ALLC: variants seen among roughly 807,000 people sequenced by gnomAD.
ALLC encodes the protein allantoicase, also known as probable inactive allantoicase.
ALLC carries 40 observed loss-of-function variants against 45.0 expected under a neutral mutation model. That is an observed-to-expected ratio of 0.89 (90% CI 0.69 to 1.16). ALLC has a LOEUF of 1.16. Ranked by LOEUF, ALLC falls within the 50% of genes most tolerant of loss-of-function variation. The probability of loss-of-function intolerance (pLI) is 0.00; values close to 1 mark genes in which losing one functional copy is unlikely to be tolerated. For synonymous variants in ALLC, 176 were observed against 178.1 expected (o/e 0.99, Z 0.09); for missense variants, 488 against 493.1 (o/e 0.99, Z 0.10).
In ALLC at chr2:3,692,853, T is replaced by G. The variant is rs187351279; in HGVS notation, c.512-2864T>G. Among the ~76,000 whole-genome samples the G allele has an allele frequency of 4.2e-4, 64 of 152,126 alleles. No individual in the cohort carries two copies. In the East Asian group the frequency reaches 9.9e-3, roughly 23 times the overall value. On this transcript the variant is annotated intron_variant, in intron 7 of 11. Coordinates refer to ENST00000252505, the MANE Select transcript of ALLC (RefSeq NM_018436.4). ...AGAATGGGTCACTGTGGCCCCAATA[T>G]CTCAAGGTAGGACCCTGTCCCATGA...
At chr2:3,650,483 G>A in the ALLC span, among the ~76,000 whole-genome samples, 1 of 152,212 alleles carries the variant, frequency 6.6e-6, no homozygotes, top group Non-Finnish European at 1.5e-5. Flanking sequence ...TCAGGTGGAA[G>A]CCTGGTGAGG....
At chr2:3,664,909 C>A (rs1040986401) in intron 1 of ALLC, among the ~76,000 whole-genome samples, 5 of 151,570 alleles carry the variant, frequency 3.3e-5, no homozygotes, top group East Asian at 3.9e-4. Context: ...AACCAAAACC[C>A]CCCCCCAAAC....
the ALLC span, among the ~76,000 whole-genome samples, chr2:3,651,332 T>G: frequency 0.092 from 74 of 806 alleles, 23 homozygotes; most frequent in African/African-American, 0.26. Flanking sequence ...TGTGTGTGTG[T>G]GTGTGTGTGT....
At chr2:3,655,031 C>T (rs1234998913), upstream of ALLC, among the ~76,000 whole-genome samples, 4 of 152,336 alleles carry the variant, frequency 2.6e-5, no homozygotes, top group Non-Finnish European at 4.4e-5. Context: ...TCGAGGTGTC[C>T]GTGGGCTACT....
chr2:3,666,445 G>A (rs947119360), intron 1 of ALLC, among the ~76,000 whole-genome samples: 1 of 152,236 alleles, frequency 6.6e-6, no homozygotes, highest in East Asian at 1.9e-4. Flanking sequence ...TGTGCAGGGG[G>A]AGCCCGTGGA....
intron 6 of ALLC, among the ~76,000 whole-genome samples, chr2:3,682,438 C>A (rs1667202998): frequency 6.6e-6 from 1 of 152,076 alleles, no homozygotes; most frequent in South Asian, 2.1e-4. Flanking sequence ...ACAAAACAGG[C>A]CTTTATTCTG....
chr2:3,651,207 G>A, the ALLC span, among the ~76,000 whole-genome samples: 1 of 151,868 alleles, frequency 6.6e-6, no homozygotes, highest in Non-Finnish European at 1.5e-5. Flanking sequence ...TGGGAAAAGA[G>A]GACGAGGACG....
At chr2:3,685,236 C>CT (rs112543522) in intron 7 of ALLC, among the ~76,000 whole-genome samples, 21,492 of 151,184 alleles carry the variant, frequency 0.14, 2,517 homozygotes, top group African/African-American at 0.26. Flanking sequence ...ACTATTCCCC[C>CT]GTCTTTTTAA....
intron 7 of ALLC, among the ~76,000 whole-genome samples, chr2:3,685,048 T>C (rs1202044062): frequency 6.6e-6 from 1 of 152,202 alleles, no homozygotes; most frequent in Non-Finnish European, 1.5e-5. Context: ...CTCTTCAATA[T>C]ATTGATTTAC....
chr2:3,651,712 C>T, the ALLC span, among the ~76,000 whole-genome samples: 1 of 151,968 alleles, frequency 6.6e-6, no homozygotes, highest in Non-Finnish European at 1.5e-5. Context: ...ATGCGGAGCT[C>T]CATCGGCCGG....
chr2:3,700,491 A>G (rs188081331), intron 10 of ALLC, among the ~76,000 whole-genome samples: 6 of 152,318 alleles, frequency 3.9e-5, no homozygotes, highest in Non-Finnish European at 5.9e-5. Flanking sequence ...CTAGATAACA[A>G]ACAGTAAATC....
the ALLC span, among the ~76,000 whole-genome samples, chr2:3,652,437 C>T: frequency 2.3e-3 from 344 of 152,304 alleles, 1 homozygote; most frequent in African/African-American, 8.0e-3. Context: ...GGCGTCCATG[C>T]CTTAGATACA....
intron 1 of ALLC, among the ~76,000 whole-genome samples, chr2:3,663,755 G>T (rs1666630940): frequency 6.6e-6 from 1 of 152,050 alleles, no homozygotes; most frequent in African/African-American, 2.4e-5. Flanking sequence ...TACCTCTAAG[G>T]TCATTAATAA....
intron 2 of ALLC, 117 bp from the exon 3 acceptor site, chr2:3,673,958 C>G (rs1666956082): frequency 1.3e-6 from 1 of 752,046 alleles, no homozygotes; most frequent in South Asian, 1.8e-5. Context: ...TGTCGCTTCC[C>G]CTAGGTGATT....
At chr2:3,686,186 C>A (rs1481058404) in intron 7 of ALLC, among the ~76,000 whole-genome samples, 1 of 151,034 alleles carries the variant, frequency 6.6e-6, no homozygotes, top group African/African-American at 2.4e-5. Context: ...TAGTTTCATT[C>A]TTCGGCATGC....
intron 7 of ALLC, among the ~76,000 whole-genome samples, chr2:3,685,110 G>C (rs962173946): frequency 6.6e-6 from 1 of 152,074 alleles, no homozygotes. Flanking sequence ...ATCTATTGTT[G>C]TTCTATTTTT....
chr2:3,658,888 A>T, intron 1 of ALLC, among the ~76,000 whole-genome samples: 1 of 151,986 alleles, frequency 6.6e-6, no homozygotes, highest in South Asian at 2.1e-4. Flanking sequence ...AAAAAAAAAA[A>T]AAAAAAACCT....
At chr2:3,692,849 A>G (rs1667558842) in intron 7 of ALLC, among the ~76,000 whole-genome samples, 1 of 152,102 alleles carries the variant, frequency 6.6e-6, no homozygotes, top group Non-Finnish European at 1.5e-5. Context: ...CTGTGGCCCC[A>G]ATATCTCAAG....
chr2:3,646,812 C>T, the ALLC span, among the ~76,000 whole-genome samples: 3 of 152,184 alleles, frequency 2.0e-5, no homozygotes, highest in Admixed American at 6.5e-5. Context: ...AATATTTCTC[C>T]GTTTCTGACT....
Sources: allele counts gnomAD v4.1 joint callset (sites outside exome capture counted in the v4.1 genomes callset), GRCh38; gene constraint gnomAD v4.1.1; transcripts MANE v1.5; gene names NCBI Gene and HGNC (gene_info 2026-07-23, HGNC 2026-07-21).